The following GPHN variants were observed in gnomAD, a reference collection of about 807,000 sequenced individuals.
GPHN encodes the protein gephyrin.
GPHN carries 17 observed loss-of-function variants against 95.5 expected under a neutral mutation model. The observed-to-expected ratio is 0.18, with a 90% CI of 0.12 to 0.27. GPHN has a LOEUF of 0.27. Among genes scored for constraint, GPHN ranks in the 10% least tolerant of loss-of-function variants. GPHN has a pLI of 1.00. For missense variants in GPHN, 660 were observed against 978.1 expected (o/e 0.67, Z 4.34); for synonymous variants, 320 against 322.5 (o/e 0.99, Z 0.08).
the GPHN span, among the ~76,000 whole-genome samples, chr14:67,423,315 T>G: frequency 1.3e-5 from 2 of 152,216 alleles, no homozygotes; most frequent in African/African-American, 4.8e-5. Context: ...ACTCATGACA[T>G]AATTTTGTAA....
At position 66,965,214 on chromosome 14, in the gene GPHN, T is replaced by C; in HGVS notation, c.852T>C (p.Arg284=). Residue 284 remains arginine, a synonymous_variant, in exon 9 of 23, where the codon CGT becomes CGC. Coordinates refer to ENST00000478722, the MANE Select transcript of GPHN (RefSeq NM_020806.5). ...DERIPDSIIS[R]GVQVLPRDTA... Reference sequence around the variant, plus strand: ...AGATTCCAGACTCCATCATTTCTCGTGGTGTTCAGGTGCTCCCACGAGACA... The same window carrying C: ...AGATTCCAGACTCCATCATTTCTCGCGGTGTTCAGGTGCTCCCACGAGACA... The C allele has an allele frequency of 6.2e-7, 1 of 1,612,224 alleles. No homozygotes were observed. The highest frequency in any genetic ancestry group is 8.5e-7 in the Non-Finnish European group (1 of 1,178,290).
chr14:67,562,959 C>T, the GPHN span: 4 of 1,481,124 alleles, frequency 2.7e-6, no homozygotes, highest in East Asian at 4.6e-5. Context: ...GCTGGCTGAG[C>T]ACAGCCATGC....
At chr14:67,233,849 G>T in the GPHN span, among the ~76,000 whole-genome samples, 1 of 152,210 alleles carries the variant, frequency 6.6e-6, no homozygotes, top group Non-Finnish European at 1.5e-5. Context: ...TGTAAAATTT[G>T]CAATACTCAT....
intron 10 of GPHN, among the ~76,000 whole-genome samples, chr14:67,037,806 G>A (rs1480838034): frequency 2.0e-5 from 3 of 151,016 alleles, no homozygotes; most frequent in Non-Finnish European, 4.4e-5. Context: ...AAAATAACAA[G>A]TATTGGTGAT....
chr14:66,890,153 T>C (rs1030986943), intron 5 of GPHN, among the ~76,000 whole-genome samples: 2 of 152,214 alleles, frequency 1.3e-5, no homozygotes, highest in Admixed American at 1.3e-4. Flanking sequence ...GGCTCACACC[T>C]GTAATCCCAA....
chr14:67,694,548 G>A, the GPHN span, among the ~76,000 whole-genome samples: 1 of 149,962 alleles, frequency 6.7e-6, no homozygotes, highest in East Asian at 1.9e-4. Flanking sequence ...TCCCTCTGGG[G>A]TATGAGCACT....
intron 9 of GPHN, among the ~76,000 whole-genome samples, chr14:66,983,235 G>C (rs1200426533): frequency 2.0e-5 from 3 of 152,114 alleles, no homozygotes; most frequent in Non-Finnish European, 2.9e-5. Context: ...CTGGATGACA[G>C]AGCCAGACTC....
chr14:67,729,150 C>T, the GPHN span: 2 of 1,599,890 alleles, frequency 1.3e-6, no homozygotes. Context: ...TTCCTGGGCT[C>T]AGAGTGTGTC....
the GPHN span, among the ~76,000 whole-genome samples, chr14:67,214,834 G>T: frequency 0.31 from 47,447 of 151,724 alleles, 11,457 homozygotes; most frequent in African/African-American, 0.65. Flanking sequence ...TATCCTCTTT[G>T]ATTTCATTGA....
At position 66,849,890 on chromosome 14, in the gene GPHN, G is replaced by A. The variant is rs551618337; in HGVS notation, c.294+25324G>A. On this transcript the variant is annotated intron_variant, in intron 4 of 22. Transcript: ENST00000478722. ...TTCATTTTCTCATTTCTCAAACTCC[G>A]TTAACATACCAGTACTCAATTATTT... 1.6e-3 allele frequency among the ~76,000 whole-genome samples: 240 copies of A among 152,046 alleles called. 14 individuals carry two copies. The South Asian group carries it at 0.047, about 30-fold the overall frequency.
chr14:66,592,923 G>A (rs1257822118), intron 1 of GPHN, among the ~76,000 whole-genome samples: 2 of 152,202 alleles, frequency 1.3e-5, no homozygotes, highest in African/African-American at 2.4e-5. Flanking sequence ...TGAAAGACTG[G>A]ATAAATCAAA....
At chr14:67,264,562 T>A in the GPHN span, among the ~76,000 whole-genome samples, 3 of 152,218 alleles carry the variant, frequency 2.0e-5, no homozygotes, top group African/African-American at 7.2e-5. Flanking sequence ...GTAAATGGTA[T>A]GAGTAAAGGT....
At chr14:67,670,898 C>A in the GPHN span, among the ~76,000 whole-genome samples, 1 of 152,080 alleles carries the variant, frequency 6.6e-6, no homozygotes, top group Non-Finnish European at 1.5e-5. Flanking sequence ...TAATAATTCT[C>A]AGTGTTTATT....
At chr14:67,222,909 C>T in the GPHN span, among the ~76,000 whole-genome samples, 5 of 151,242 alleles carry the variant, frequency 3.3e-5, no homozygotes, top group East Asian at 7.7e-4. Context: ...TTTAGTCACA[C>T]GTACAAGAGT....
At chr14:67,575,525 T>G in the GPHN span, 6 of 1,113,196 alleles carry the variant, frequency 5.4e-6, no homozygotes, top group Non-Finnish European at 8.1e-6. Flanking sequence ...CCGAAGCACA[T>G]GACTGCCACT....
chr14:66,576,932 G>T (rs574213663), intron 1 of GPHN, among the ~76,000 whole-genome samples: 2 of 152,098 alleles, frequency 1.3e-5, no homozygotes, highest in Middle Eastern at 6.8e-3. Context: ...ATATTTAAGG[G>T]TCATGAATTG....
intron 4 of GPHN, among the ~76,000 whole-genome samples, chr14:66,834,548 G>A (rs2153502372): frequency 2.0e-5 from 3 of 151,700 alleles, no homozygotes; most frequent in Middle Eastern, 6.8e-3. Context: ...TTTATATGCT[G>A]GATTACATTT....
At chr14:67,293,584 GT>G in the GPHN span, among the ~76,000 whole-genome samples, 4 of 152,040 alleles carry the variant, frequency 2.6e-5, no homozygotes, top group African/African-American at 9.7e-5. Context: ...GGTTTAAATG[GT>G]TTTCTGAAAT....
At chr14:67,481,181 G>A in the GPHN span, among the ~76,000 whole-genome samples, 2 of 152,146 alleles carry the variant, frequency 1.3e-5, no homozygotes, top group African/African-American at 2.4e-5. Context: ...AGTCCCAGAC[G>A]CTAAGGCAGG....
Sources: gnomAD v4.1 joint callset for allele counts (sites outside exome capture counted in the v4.1 genomes callset) on GRCh38, gnomAD v4.1.1 for gene constraint, MANE v1.5 for transcripts, NCBI Gene and HGNC (gene_info 2026-07-23, HGNC 2026-07-21) for gene names.